CEP63: variants seen among roughly 807,000 people sequenced by gnomAD.
CEP63 encodes centrosomal protein 63, also known as centrosomal protein of 63 kDa.
Under a neutral mutation model 89.1 loss-of-function variants are expected in CEP63, and 84 were observed. The ratio of observed to expected loss-of-function variants is 0.94; its 90% CI spans 0.79 to 1.13. The LOEUF is 1.13. Among genes scored for constraint, CEP63 ranks in the 50% most tolerant of loss-of-function variants. The probability of loss-of-function intolerance (pLI) is 0.00; values close to 1 mark genes in which losing one functional copy is unlikely to be tolerated. For synonymous variants in CEP63, 267 were observed against 272.5 expected (o/e 0.98, Z 0.20); for missense variants, 838 against 813.3 (o/e 1.03, Z -0.37).
At chr3:134,529,185 G>A (rs116529998) in intron 3 of CEP63, among the ~76,000 whole-genome samples, 2,477 of 151,992 alleles carry the variant, frequency 0.016, 58 homozygotes, top group African/African-American at 0.055. Context: ...CTTTTAAATG[G>A]TAAGCATTTT....
At chr3:134,768,712 T>C in the CEP63 span, among the ~76,000 whole-genome samples, 1 of 152,188 alleles carries the variant, frequency 6.6e-6, no homozygotes, top group Admixed American at 6.5e-5. Flanking sequence ...AAAAATGTCT[T>C]TTAACATTCT....
the CEP63 span, among the ~76,000 whole-genome samples, chr3:134,757,023 T>C: frequency 6.6e-6 from 1 of 152,196 alleles, no homozygotes; most frequent in East Asian, 1.9e-4. Context: ...TGGACTCCAA[T>C]GTCTGTCCTG....
chr3:134,551,939 A>AGC lies in CEP63; in HGVS notation c.1395_1396dup (p.Leu466ArgfsTer7), dbSNP rs1954959021. ...TCCCCTTTTCAGGAGATTTTGGATC[A>AGC]GCTGGAGTCACTCAAATTAGAAAAT... On this transcript the variant is annotated frameshift_variant, in exon 12 of 15. Transcript: ENST00000675561. LOFTEE classifies it high-confidence loss of function. The AGC allele has an allele frequency of 1.2e-6, 2 of 1,608,108 alleles. No individual in the cohort carries two copies. Among genetic ancestry groups the AGC allele is most frequent in the Non-Finnish European group, 1.7e-6 (2 of 1,176,138 alleles).
chr3:134,607,593 TG>T, the CEP63 span: 1 of 985,492 alleles, frequency 1.0e-6, no homozygotes, highest in Non-Finnish European at 1.2e-6. Context: ...TGCCCAGCAC[TG>T]GATCAGGTGC....
At chr3:134,708,866 C>T in the CEP63 span, among the ~76,000 whole-genome samples, 241 of 152,172 alleles carry the variant, frequency 1.6e-3, 2 homozygotes, top group African/African-American at 5.4e-3. Flanking sequence ...ATCACAGTCA[C>T]TCAGCCCTGT....
chr3:134,671,147 C>T, the CEP63 span, among the ~76,000 whole-genome samples: 1 of 152,142 alleles, frequency 6.6e-6, no homozygotes, highest in Non-Finnish European at 1.5e-5. Context: ...GATCTGACTA[C>T]ACAGCCATAA....
intron 3 of CEP63, among the ~76,000 whole-genome samples, chr3:134,512,915 T>G (rs544024541): frequency 6.6e-5 from 10 of 152,366 alleles, no homozygotes; most frequent in Admixed American, 4.6e-4. Flanking sequence ...CTTTTTTGTT[T>G]TCCTGGAAAT....
chr3:134,584,738 G>A (rs146606169), intron 10 of CEP63, among the ~76,000 whole-genome samples: 2,465 of 152,194 alleles, frequency 0.016, 59 homozygotes, highest in African/African-American at 0.055. Context: ...GATTGGAATA[G>A]TTTCAGAAGA....
chr3:134,521,160 A>G (rs965226321), intron 3 of CEP63, among the ~76,000 whole-genome samples: 3 of 152,162 alleles, frequency 2.0e-5, no homozygotes, highest in Non-Finnish European at 4.4e-5. Flanking sequence ...ACCAGCGAGC[A>G]TGTGAAAAGG....
chr3:134,660,798 A>C, the CEP63 span, among the ~76,000 whole-genome samples: 2 of 152,148 alleles, frequency 1.3e-5, no homozygotes, highest in Admixed American at 1.3e-4. Flanking sequence ...TTTGGTGTTG[A>C]GTGTGAGGAC....
At chr3:134,567,768 G>C (rs886715482), downstream of CEP63, among the ~76,000 whole-genome samples, 6 of 152,222 alleles carry the variant, frequency 3.9e-5, no homozygotes, top group Non-Finnish European at 8.8e-5. Context: ...GCTGCTTCCT[G>C]TTAGGCGAGG....
chr3:134,660,109 T>C, the CEP63 span, among the ~76,000 whole-genome samples: 3 of 152,248 alleles, frequency 2.0e-5, no homozygotes, highest in Non-Finnish European at 2.9e-5. Flanking sequence ...GAACTCTCTT[T>C]CCATAATTCA....
At chr3:134,599,216 T>C in the CEP63 span, among the ~76,000 whole-genome samples, 1 of 152,228 alleles carries the variant, frequency 6.6e-6, no homozygotes, top group Admixed American at 6.5e-5. Context: ...TTCAGACTGT[T>C]CTAATAACTC....
At chr3:134,717,469 G>C in the CEP63 span, among the ~76,000 whole-genome samples, 1 of 152,116 alleles carries the variant, frequency 6.6e-6, no homozygotes, top group Non-Finnish European at 1.5e-5. Context: ...GAAACACCTT[G>C]TCTCAAATAA....
At chr3:134,693,438 T>C in the CEP63 span, among the ~76,000 whole-genome samples, 1 of 125,450 alleles carries the variant, frequency 8.0e-6, no homozygotes, top group African/African-American at 2.7e-5. Flanking sequence ...AGATTTCTTC[T>C]GTAAGCAAAA....
At chr3:134,727,110 G>A in the CEP63 span, among the ~76,000 whole-genome samples, 1 of 151,910 alleles carries the variant, frequency 6.6e-6, no homozygotes, top group African/African-American at 2.4e-5. Flanking sequence ...TGTGTAAATG[G>A]TTCCAATAGA....
chr3:134,768,740 T>A, the CEP63 span, among the ~76,000 whole-genome samples: 1 of 152,222 alleles, frequency 6.6e-6, no homozygotes, highest in Non-Finnish European at 1.5e-5. Context: ...GGTTATCCAA[T>A]GAAACACTAA....
downstream of CEP63, among the ~76,000 whole-genome samples, chr3:134,569,625 A>G (rs1003777770): frequency 6.6e-6 from 1 of 152,066 alleles, no homozygotes; most frequent in Non-Finnish European, 1.5e-5. Flanking sequence ...AGCTGCTTTC[A>G]TGGGCTGGCA....
the CEP63 span, among the ~76,000 whole-genome samples, chr3:134,635,642 G>T: frequency 6.6e-6 from 1 of 152,190 alleles, no homozygotes; most frequent in South Asian, 2.1e-4. Context: ...ATATTCTGAT[G>T]ATGGTAACCA....
Sources: gnomAD v4.1 joint callset for allele counts (sites outside exome capture counted in the v4.1 genomes callset) on GRCh38, gnomAD v4.1.1 for gene constraint, MANE v1.5 for transcripts, NCBI Gene and HGNC (gene_info 2026-07-23, HGNC 2026-07-21) for gene names.